Variants in FBXL17 observed in about 807,000 individuals in gnomAD.
The protein encoded by FBXL17 is F-box and leucine rich repeat protein 17.
A neutral mutation model predicts 66.2 loss-of-function variants in FBXL17; 22 were observed. That is an observed-to-expected ratio of 0.33 (90% confidence interval 0.24 to 0.47). The LOEUF (loss-of-function observed/expected upper bound fraction) is 0.47. FBXL17 is among the 20% of genes least tolerant of loss of function. The pLI, the probability that FBXL17 is intolerant of heterozygous loss-of-function variation, is 1.00. For synonymous variants in FBXL17, 474 were observed against 400.5 expected (o/e 1.18, Z -2.19); for missense variants, 878 against 948.2 (o/e 0.93, Z 0.97).
chr5:107,915,786 T>C (rs1750106981), intron 7 of FBXL17, among the ~76,000 whole-genome samples: 2 of 152,214 alleles, frequency 1.3e-5, no homozygotes, highest in Admixed American at 6.5e-5. Flanking sequence ...TAATCCAAAC[T>C]TGACTTCCCA....
At chr5:108,300,234 T>C (rs1758526143) in intron 4 of FBXL17, among the ~76,000 whole-genome samples, 2 of 151,898 alleles carry the variant, frequency 1.3e-5, no homozygotes, top group Admixed American at 6.6e-5. Context: ...GATTAAAAAA[T>C]ATAGCATCGA....
chr5:108,352,800 C>A (rs576737351), intron 3 of FBXL17, among the ~76,000 whole-genome samples: 2 of 152,270 alleles, frequency 1.3e-5, no homozygotes, highest in East Asian at 3.9e-4. Context: ...TGAGCCACTG[C>A]GCCTGGACGA....
intron 5 of FBXL17, among the ~76,000 whole-genome samples, chr5:108,222,364 T>C (rs1193128335): frequency 6.6e-6 from 1 of 152,138 alleles, no homozygotes; most frequent in Admixed American, 6.6e-5. Context: ...CAGCATTAGG[T>C]GTGACTAGAA....
In FBXL17 at chr5:108,381,247, C is replaced by T; in HGVS notation, c.445G>A (p.Ala149Thr). 1 of 1,442,884 alleles carries T rather than the reference C, an allele frequency of 6.9e-7. No homozygotes were observed. Among genetic ancestry groups the T allele is most frequent in the Non-Finnish European group, 9.1e-7 (1 of 1,100,248 alleles). The allele number at this position is 1,442,884 out of a possible 1,614,324, so 89.4% of individuals were successfully genotyped here. ...SCCKELGLAA[A>T]AAWEQQGRSL... Reference sequence around the variant, plus strand: ...CGGCCCTGCTGCTCCCAGGCGGCGGCCGCAGCCAGCCCCAACTCTTTGCAG... The same window carrying T: ...CGGCCCTGCTGCTCCCAGGCGGCGGTCGCAGCCAGCCCCAACTCTTTGCAG... The change falls in exon 1 of 9, where the codon GCC becomes ACC. Residue 149 changes from alanine (A) to threonine (T), a missense_variant. Physicochemically the swap from Ala to Thr is moderately conservative, Grantham distance 58. Around this residue, in one of 4 missense-constraint regions of FBXL17, gnomAD observed 605 missense variants for 509.5 expected, o/e 1.19. Transcript: ENST00000542267.
At chr5:108,361,026 G>A (rs1042647786) in intron 3 of FBXL17, among the ~76,000 whole-genome samples, 1 of 151,750 alleles carries the variant, frequency 6.6e-6, no homozygotes, top group Non-Finnish European at 1.5e-5. Flanking sequence ...TTATGTCTTT[G>A]AGCATATTTC....
At chr5:108,256,324 A>T (rs553994987) in intron 4 of FBXL17, among the ~76,000 whole-genome samples, 28 of 152,320 alleles carry the variant, frequency 1.8e-4, no homozygotes, top group African/African-American at 6.7e-4. Flanking sequence ...AGCTAAAGTC[A>T]AGTCAAAATA....
intron 3 of FBXL17, among the ~76,000 whole-genome samples, chr5:108,354,712 C>CA (rs1403671434): frequency 1.4e-4 from 18 of 133,166 alleles, no homozygotes; most frequent in African/African-American, 4.8e-4. Flanking sequence ...TTTCAAACTG[C>CA]AAAAAATCAA....
chr5:108,040,804 G>T (rs1747016713), intron 6 of FBXL17, among the ~76,000 whole-genome samples: 1 of 152,182 alleles, frequency 6.6e-6, no homozygotes, highest in African/African-American at 2.4e-5. Context: ...TACCGTGGAA[G>T]TTGACTAAGA....
intron 7 of FBXL17, among the ~76,000 whole-genome samples, chr5:107,912,668 C>G (rs1749991196): frequency 6.6e-6 from 1 of 152,008 alleles, no homozygotes; most frequent in South Asian, 2.1e-4. Flanking sequence ...GAAGTATGAC[C>G]ACTACGAAAG....
chr5:107,980,658 A>T (rs1454762994), intron 7 of FBXL17, among the ~76,000 whole-genome samples: 12 of 72,442 alleles, frequency 1.7e-4, no homozygotes, highest in South Asian at 9.6e-4. Context: ...ATATATATAT[A>T]TATATATTTT....
chr5:108,366,501 T>TGACATAC (rs1748673149), intron 2 of FBXL17, among the ~76,000 whole-genome samples: 1 of 149,478 alleles, frequency 6.7e-6, no homozygotes, highest in Non-Finnish European at 1.5e-5. Flanking sequence ...GTTATAACTC[T>TGACATAC]GACATACCTC....
intron 7 of FBXL17, among the ~76,000 whole-genome samples, chr5:107,894,947 G>A (rs1252571003): frequency 1.3e-5 from 2 of 152,026 alleles, no homozygotes; most frequent in African/African-American, 2.4e-5. Context: ...AATTCAGACA[G>A]AATCTCTTAG....
chr5:108,026,600 C>A (rs576401938), intron 6 of FBXL17, among the ~76,000 whole-genome samples: 1 of 152,248 alleles, frequency 6.6e-6, no homozygotes, highest in Non-Finnish European at 1.5e-5. Context: ...TCTTAATATA[C>A]CACAGGGGCA....
intron 7 of FBXL17, among the ~76,000 whole-genome samples, chr5:107,990,617 G>C (rs1753202307): frequency 6.6e-6 from 1 of 152,126 alleles, no homozygotes; most frequent in Non-Finnish European, 1.5e-5. Flanking sequence ...TGTGATACTT[G>C]ATTAAGTTGA....
chr5:108,090,921 C>CAAA (rs1405758352), intron 6 of FBXL17, among the ~76,000 whole-genome samples: 1 of 152,164 alleles, frequency 6.6e-6, no homozygotes, highest in African/African-American at 2.4e-5. Flanking sequence ...AACATGAATA[C>CAAA]ATAGTCACTA....
At chr5:107,977,181 T>C (rs1284003695) in intron 7 of FBXL17, among the ~76,000 whole-genome samples, 1 of 152,226 alleles carries the variant, frequency 6.6e-6, no homozygotes, top group African/African-American at 2.4e-5. Flanking sequence ...AAGAACTGTT[T>C]AGTTTAGGGT....
intron 6 of FBXL17, among the ~76,000 whole-genome samples, chr5:108,145,292 TTAA>T (rs2149990611): frequency 6.6e-6 from 1 of 152,162 alleles, no homozygotes; most frequent in East Asian, 1.9e-4. Context: ...AACAATGAAC[TTAA>T]TAAAAGTAAA....
rs144909921 is a variant in FBXL17, at chr5:107,966,454, T to G, written c.1822+54471A>C. On this transcript the variant is annotated intron_variant, in intron 7 of 8. Coordinates refer to ENST00000542267, the MANE Select transcript of FBXL17 (RefSeq NM_001163315.3). Reference sequence around the variant, plus strand: ...GTCATTTGTCCAGTGACAGAGAATGTTTCGAGGAAGGAGAGATCAGGAGAT... The same window carrying G: ...GTCATTTGTCCAGTGACAGAGAATGGTTCGAGGAAGGAGAGATCAGGAGAT... Among the ~76,000 whole-genome samples the G allele has an allele frequency of 6.0e-3, 920 of 152,194 alleles. 5 individuals are homozygous for G. The highest frequency in any genetic ancestry group is 0.01 in the Non-Finnish European group (683 of 67,992).
intron 6 of FBXL17, among the ~76,000 whole-genome samples, chr5:108,074,810 C>G (rs1441315183): frequency 1.3e-5 from 2 of 152,306 alleles, no homozygotes; most frequent in East Asian, 3.9e-4. Context: ...ACCTTTGTAT[C>G]TGTGATGGCT....
Sources: gnomAD v4.1 joint callset for allele counts (sites outside exome capture counted in the v4.1 genomes callset) on GRCh38, gnomAD v4.1.1 for gene constraint, gnomAD v4.1.1 regional missense constraint, MANE v1.5 for transcripts, NCBI Gene and HGNC (gene_info 2026-07-23, HGNC 2026-07-21) for gene names.